TTN: variants seen among roughly 807,000 people sequenced by gnomAD.
The protein encoded by TTN is connectin.
Under a neutral mutation model 3,223.0 loss-of-function variants are expected in TTN, and 1,525 were observed. The ratio of observed to expected loss-of-function variants is 0.47; its 90% CI spans 0.45 to 0.49. The LOEUF is 0.49. Among genes scored for constraint, TTN ranks in the 20% least tolerant of loss-of-function variants. The probability of loss-of-function intolerance (pLI) is 0.00; values close to 1 mark genes in which losing one functional copy is unlikely to be tolerated. For synonymous variants in TTN, 14,094 were observed against 15,161.0 expected (o/e 0.93, Z 5.17); for missense variants, 40,786 against 43,424.0 (o/e 0.94, Z 5.40).
Position 178,718,454 on chromosome 2 carries a change from T to C in TTN, c.24652A>G (p.Ser8218Gly), listed in dbSNP as rs72648980. The C allele has an allele frequency of 4.6e-4, 749 of 1,613,802 alleles. 2 individuals are homozygous for C. In the African/African-American group the frequency reaches 8.1e-3, roughly 17 times the overall value. The change falls in exon 85 of 363, where the codon AGT (serine) becomes GGT (glycine). Residue 8218 changes from serine (S) to glycine (G), a missense_variant. Transcript: ENST00000589042. ...GTAGATTTTTCTGTCATAGTAATAC[T>C]GCATCTCTCAGATTGTGAAATAAGA... Reference protein sequence around the residue: ...EYLISQSERCSITMTEKSTIL... With the variant: ...EYLISQSERCGITMTEKSTIL...
rs560328343 is a variant in TTN at position 178,727,854 on chromosome 2, C to T, written c.19724G>A (p.Ser6575Asn). 1.3e-6 allele frequency: 2 copies of T among 1,581,086 alleles called. No homozygotes were observed. The highest frequency in any genetic ancestry group is 1.4e-5 in the African/African-American group (1 of 73,418). The change falls in exon 68 of 363, where the codon AGC becomes AAC. Residue 6575 changes from serine to asparagine, a missense_variant. Physicochemically the swap from Ser to Asn is conservative, Grantham distance 46 (BLOSUM62 1). Transcript: ENST00000589042. Reference protein sequence around the residue: ...SGILTVKEPPSFLVKPGRQQA... With the variant: ...SGILTVKEPPNFLVKPGRQQA... ...CTGTCGCCCAGGTTTCACTAGGAAG[C>T]TTGGTGGTTCTATAGATTTTAAGAG... is the stretch of plus-strand genomic sequence containing the variant.
At position 178,746,815 on chromosome 2, in the gene TTN, A is replaced by G. The variant is rs149543721; in HGVS notation, c.11312-4894T>C. The G allele has an allele frequency of 1.0e-4, 164 of 1,613,284 alleles. No individual in the cohort carries two copies. Among genetic ancestry groups the G allele is most frequent in the Non-Finnish European group, 1.2e-4 (145 of 1,179,582 alleles). On this transcript the variant is annotated intron_variant, in intron 47 of 362. Transcript: ENST00000589042. Reference sequence around the variant, plus strand: ...CAATGAAGCCTAGTGTTGTGTTTTCATATACCTTCCTTTTGGTCAGAGGTT... The same window carrying G: ...CAATGAAGCCTAGTGTTGTGTTTTCGTATACCTTCCTTTTGGTCAGAGGTT...
At position 178,542,855 on chromosome 2, in the gene TTN, A is replaced by T. The variant is rs770209333; in HGVS notation, c.96999T>A (p.Arg32333=). Residue 32333 remains arginine (R), a synonymous_variant, in exon 348 of 363, where the codon CGT becomes CGA. Coordinates refer to ENST00000589042, the MANE Select transcript of TTN (RefSeq NM_001267550.2). ...AGAACCAGGAAGCAGCAGGAGGTGG[A>T]CGGCCAGCAATAGGTATCACCAGCT... ...PVELVIPIAG[R]PPPAASWFFA... is the part of the protein sequence containing the mutation. The T allele has an allele frequency of 2.5e-6, 4 of 1,613,832 alleles. No homozygotes were observed. The highest frequency in any genetic ancestry group is 3.4e-6 in the Non-Finnish European group (4 of 1,179,778).
chr2:178,635,560 C>A lies in TTN; in HGVS notation c.41764G>T (p.Glu13922Ter). ...AGATGATTTCCATCTCTCAGTATTTCAGTCTTATCATTTGGTTCCGCAGGG... is the reference window on the plus strand; with the variant it reads ...AGATGATTTCCATCTCTCAGTATTTAAGTCTTATCATTTGGTTCCGCAGGG... Reference protein sequence around the residue: ...EIPAEPNDKTEILRDGNHLYL... With the variant: ...EIPAEPNDKT Residue 13922 changes from glutamate (E) to a stop codon, truncating the protein, a stop_gained, in exon 227 of 363, where the codon GAA becomes TAA. Transcript: ENST00000589042. LOFTEE classifies it high-confidence loss of function. 6.3e-7 allele frequency: 1 copy of A among 1,594,554 alleles called. No individual in the cohort carries two copies. Among genetic ancestry groups the A allele is most frequent in the Non-Finnish European group, 8.6e-7 (1 of 1,169,102 alleles).
rs1277542020 is a variant in TTN, at chr2:178,617,597, C to T, written c.47573-85G>A. 9 of 1,431,206 alleles carry T rather than the reference C, an allele frequency of 6.3e-6. No homozygotes were observed. In the African/African-American group the frequency reaches 1.3e-4, roughly 21 times the overall value. The allele number at this position is 1,431,206 out of a possible 1,614,324, so 88.7% of individuals were successfully genotyped here. A position where few individuals can be genotyped will look rare whatever the true frequency, so the allele number is the denominator to read the frequency against. ...GTGTTGTAATCAATTATATCATCCT[C>T]ATTAACAGGTTTATCAAATTCACTA... On this transcript the variant is annotated intron_variant, in intron 253 of 362. Coordinates refer to ENST00000589042, the MANE Select transcript of TTN (RefSeq NM_001267550.2).
At position 178,534,978 on chromosome 2, in the gene TTN, A is replaced by G. The variant is rs373461875; in HGVS notation, c.101637T>C (p.His33879=). 2.2e-5 allele frequency: 35 copies of G among 1,613,514 alleles called. No homozygotes were observed. The African/African-American group carries it at 3.7e-4, about 17-fold the overall frequency. The change falls in exon 358 of 363, where the codon CAT becomes CAC. Residue 33879 remains histidine, a synonymous_variant. Coordinates refer to ENST00000589042, the MANE Select transcript of TTN (RefSeq NM_001267550.2). ...ATTCTTCCATGCTTTCAAATGATTC[A>G]TGGAGGTGTAAGATGTTTCTATGCC... The part of the protein sequence containing the change: ...IARHRNILHL[H]ESFESMEELV...
At chr2:178,588,475 C>G in intron 304 of TTN, 63 bp downstream of exon 304, 1 of 1,447,134 alleles carries the variant, frequency 6.9e-7, no homozygotes, top group Non-Finnish European at 9.2e-7. Flanking sequence ...ACTTATTTAT[C>G]GAATACTTCT....
chr2:178,539,631 A>G lies in TTN; in HGVS notation c.98434T>C (p.Ser32812Pro). 7 of 1,613,776 alleles carry G rather than the reference A, an allele frequency of 4.3e-6. No individual in the cohort carries two copies. Among genetic ancestry groups the G allele is most frequent in the Non-Finnish European group, 5.9e-6 (7 of 1,179,790 alleles). ...PLEYDDIQVR[S>P]VRVSWRPPAD... ...GGAGGTCTCCAGCTGACCCTCACAG[A>G]GCGGACTTGGATGTCATCATATTCC... The change falls in exon 352 of 363, where the codon TCT (serine) becomes CCT (proline). Residue 32812 changes from serine to proline, a missense_variant. Transcript: ENST00000589042.
Position 178,782,552 on chromosome 2 carries a change from T to C in TTN, c.3151A>G (p.Thr1051Ala), listed in dbSNP as rs1574765163. Residue 1051 changes from threonine to alanine, a missense_variant, in exon 19 of 363, where the codon ACA (threonine) becomes GCA (alanine). Coordinates refer to ENST00000589042, the MANE Select transcript of TTN (RefSeq NM_001267550.2). Reference sequence around the variant, plus strand: ...AAAATATTTTACCGTTTCTCTTCTGTAGTAAATTTCTCAGTCACGGCTGTG... The same window carrying C: ...AAAATATTTTACCGTTTCTCTTCTGCAGTAAATTTCTCAGTCACGGCTGTG... ...ETTAVTEKFT[T>A]EEKRFVESRD... 1 of 1,614,070 alleles carries C rather than the reference T, an allele frequency of 6.2e-7. No individual in the cohort carries two copies. The highest frequency in any genetic ancestry group is 8.5e-7 in the Non-Finnish European group (1 of 1,179,974).
intron 47 of TTN, chr2:178,751,727 A>G: frequency 6.2e-7 from 1 of 1,613,244 alleles, no homozygotes; most frequent in Non-Finnish European, 8.5e-7. Flanking sequence ...GTGATGGTGT[A>G]AATCACTCTC....
At chr2:178,724,183 GA>G in intron 72 of TTN, 40 bp from the exon 73 acceptor site, 1 of 1,584,692 alleles carries the variant, frequency 6.3e-7, no homozygotes, top group Non-Finnish European at 8.6e-7. Context: ...TGATTTGAAA[GA>G]ATAGAAGAGA....
Position 178,557,851 on chromosome 2 carries a change from C to T in TTN, c.87503G>A (p.Ser29168Asn), listed in dbSNP as rs1233597826. ...GAGTAGAATGTAGTTGGTAACTTGA[C>T]TTCCACCGTCATACTTAGGTGGCTC... ...KWEPPKYDGG[S>N]QVTNYILLKR... The change falls in exon 328 of 363, where the codon AGT becomes AAT. Residue 29168 changes from serine to asparagine, a missense_variant. Transcript: ENST00000589042. 1 of 1,613,830 alleles carries T rather than the reference C, an allele frequency of 6.2e-7. No homozygotes were observed. The highest frequency in any genetic ancestry group is 8.5e-7 in the Non-Finnish European group (1 of 1,179,856).
At chr2:178,769,645 ATGTG>A in intron 37 of TTN, 30 bp downstream of exon 37, 1 of 1,315,670 alleles carries the variant, frequency 7.6e-7, no homozygotes, top group Non-Finnish European at 9.9e-7. Context: ...TTTTATATAT[ATGTG>A]TATATATATA....
chr2:178,805,892 T>C (rs1414477192), intron 1 of TTN, among the ~76,000 whole-genome samples: 1 of 152,220 alleles, frequency 6.6e-6, no homozygotes, highest in Non-Finnish European at 1.5e-5. Flanking sequence ...TTTTGTTAAG[T>C]GCAAGAAAGT....
rs372984487 is a variant in TTN at position 178,589,274 on chromosome 2, C to A, written c.62451G>T (p.Arg20817Ser). ...AATCAGCACGGGTATCAATCTTGAC[C>A]CTTGGTGATCTTGTTAAGTCTGTAG... ...KDATDLTRSP[R>S]VKIDTRADSS... Residue 20817 changes from arginine (R) to serine (S), a missense_variant, in exon 304 of 363, where the codon AGG becomes AGT. Physicochemically the swap from Arg to Ser is moderately radical, Grantham distance 110. Coordinates refer to ENST00000589042, the MANE Select transcript of TTN (RefSeq NM_001267550.2). 1.2e-6 allele frequency: 2 copies of A among 1,613,280 alleles called. No homozygotes were observed. Among genetic ancestry groups the A allele is most frequent in the African/African-American group, 2.7e-5 (2 of 74,868 alleles).
chr2:178,702,651 T>C lies in TTN; in HGVS notation c.30236A>G (p.Gln10079Arg), dbSNP rs752672136. The C allele has an allele frequency of 6.2e-7, 1 of 1,613,276 alleles. No individual in the cohort carries two copies. The highest frequency in any genetic ancestry group is 8.5e-7 in the Non-Finnish European group (1 of 1,179,258). ...AELRIEAEPIQFTKRIQNIVV... is the reference protein window; with the variant it reads ...AELRIEAEPIRFTKRIQNIVV... ...GATGTTCTGTATGCGCTTTGTAAAC[T>C]GAATTGGTTCAGCTGTTTAAGTACA... The change falls in exon 107 of 363, where the codon CAG (glutamine) becomes CGG (arginine). Residue 10079 changes from glutamine to arginine, a missense_variant. By Grantham distance (43) the Gln-to-Arg change is conservative. Transcript: ENST00000589042.
In TTN at chr2:178,728,651, T is replaced by C. The variant is rs1306888379; in HGVS notation, c.19275A>G (p.Ile6425Met). The C allele has an allele frequency of 6.2e-7, 1 of 1,613,406 alleles. No homozygotes were observed. The highest frequency in any genetic ancestry group is 8.5e-7 in the Non-Finnish European group (1 of 1,179,588). ...KVKWLKDGKQ[I>M]VPSRYFSMSF... ...TCATTGAAAAGTATCTACTGGGAAC[T>C]ATTTGTTTCCCGTCTTTAAGCCATT... The change falls in exon 66 of 363, where the codon ATA becomes ATG. Residue 6425 changes from isoleucine to methionine, a missense_variant. Transcript: ENST00000589042.
intron 43 of TTN, among the ~76,000 whole-genome samples, chr2:178,763,375 T>C (rs1199333393): frequency 6.6e-6 from 1 of 152,238 alleles, no homozygotes; most frequent in Non-Finnish European, 1.5e-5. Context: ...TAACTTAATC[T>C]TGATAATAAT....
Position 178,627,380 on chromosome 2 carries a change from G to A in TTN, c.44424+1921C>T, listed in dbSNP as rs551963796. 4.6e-5 allele frequency among the ~76,000 whole-genome samples: 7 copies of A among 152,048 alleles called. No homozygotes were observed. In the East Asian group the frequency reaches 1.2e-3, roughly 25 times the overall value. ...ATTTTTACATAAAATGAGTATTAAA[G>A]TTCGGAATTACATTGACAAGAGCAA... On this transcript the variant is annotated intron_variant, in intron 240 of 362. Transcript: ENST00000589042.
Sources: allele counts gnomAD v4.1 joint callset (sites outside exome capture counted in the v4.1 genomes callset), GRCh38; gene constraint gnomAD v4.1.1; transcripts MANE v1.5; gene names NCBI Gene and HGNC (gene_info 2026-07-23, HGNC 2026-07-21).